Variants in NKAIN2 observed in about 807,000 individuals in gnomAD.
NKAIN2 encodes sodium/potassium-transporting ATPase subunit beta-1-interacting protein 2.
In NKAIN2, 14 loss-of-function variants were observed where a neutral mutation model predicts 32.6. The observed-to-expected ratio is 0.43, with a 90% CI of 0.28 to 0.67. NKAIN2 has a LOEUF of 0.67. NKAIN2 is among the 30% of genes least tolerant of loss of function. The pLI is 0.17. For missense variants in NKAIN2, 198 were observed against 258.3 expected (o/e 0.77, Z 1.60); for synonymous variants, 80 against 87.2 (o/e 0.92, Z 0.46).
rs143645265 is a variant in NKAIN2, at chr6:124,598,604, C to G, written c.274-59582C>G. Among the ~76,000 whole-genome samples the G allele has an allele frequency of 7.3e-3, 1,116 of 151,896 alleles. 21 individuals are homozygous for G. Among genetic ancestry groups the G allele is most frequent in the African/African-American group, 0.025 (1,042 of 41,414 alleles). On this transcript the variant is annotated intron_variant, in intron 3 of 6. Coordinates refer to ENST00000368417, the MANE Select transcript of NKAIN2 (RefSeq NM_001040214.3). Reference sequence around the variant, plus strand: ...ACTTCAGTAAGCTTGGAAGTACACCCCTTTCATGGGGAAAGCCACCGAGGA... The same window carrying G: ...ACTTCAGTAAGCTTGGAAGTACACCGCTTTCATGGGGAAAGCCACCGAGGA...
chr6:124,600,902 A>G (rs1225467753), intron 3 of NKAIN2, among the ~76,000 whole-genome samples: 2 of 152,076 alleles, frequency 1.3e-5, no homozygotes, highest in South Asian at 2.1e-4. Flanking sequence ...GAATTGATCA[A>G]GAAGACTTAT....
intron 1 of NKAIN2, among the ~76,000 whole-genome samples, chr6:124,274,279 A>G (rs1289528734): frequency 2.0e-5 from 3 of 152,162 alleles, no homozygotes; most frequent in African/African-American, 7.2e-5. Context: ...GTAGTAATAG[A>G]GTAATAGTAA....
chr6:124,463,995 T>C (rs564607236), intron 3 of NKAIN2, among the ~76,000 whole-genome samples: 6 of 152,104 alleles, frequency 3.9e-5, no homozygotes, highest in Non-Finnish European at 8.8e-5. Flanking sequence ...TGTTTTGTTA[T>C]GCTTTGTGAC....
intron 3 of NKAIN2, among the ~76,000 whole-genome samples, chr6:124,409,777 C>T (rs1359223488): frequency 6.6e-6 from 1 of 152,150 alleles, no homozygotes. Context: ...GGTACCAGCT[C>T]CTCATTGTAC....
chr6:124,518,005 A>C (rs1348624955), intron 3 of NKAIN2, among the ~76,000 whole-genome samples: 2 of 152,130 alleles, frequency 1.3e-5, no homozygotes. Context: ...AAATATACTC[A>C]AAATTTATCA....
chr6:124,338,002 T>C (rs1271136867), intron 2 of NKAIN2, among the ~76,000 whole-genome samples: 1 of 152,186 alleles, frequency 6.6e-6, no homozygotes, highest in Admixed American at 6.5e-5. Flanking sequence ...TATGAATTTT[T>C]TCATGAAGCA....
At chr6:124,091,632 C>G (rs901939572) in intron 1 of NKAIN2, among the ~76,000 whole-genome samples, 1 of 151,928 alleles carries the variant, frequency 6.6e-6, no homozygotes, top group African/African-American at 2.4e-5. Flanking sequence ...TACCTTCTCT[C>G]TTACTGAGGA....
chr6:124,126,347 T>G (rs1366445110), intron 1 of NKAIN2, among the ~76,000 whole-genome samples: 1 of 152,184 alleles, frequency 6.6e-6, no homozygotes, highest in Non-Finnish European at 1.5e-5. Context: ...CAGTAGACAT[T>G]TTTTTCTTGA....
At chr6:124,299,808 A>G (rs975535611) in intron 2 of NKAIN2, among the ~76,000 whole-genome samples, 1 of 152,236 alleles carries the variant, frequency 6.6e-6, no homozygotes, top group African/African-American at 2.4e-5. Context: ...AAATGTATGG[A>G]AATGTTCAAT....
intron 1 of NKAIN2, among the ~76,000 whole-genome samples, chr6:123,970,260 C>T (rs190850718): frequency 6.6e-6 from 1 of 152,178 alleles, no homozygotes; most frequent in Admixed American, 6.5e-5. Context: ...AGTTTCACTC[C>T]TGTCACAAAA....
rs75757030 is a variant in NKAIN2 at position 124,502,260 on chromosome 6, T to C, written c.273+146913T>C. Reference sequence around the variant, plus strand: ...GAGTTTTTCTTTCAGACTTGGGTTATCTTGGTTACACTGAAAATTAAACAT... The same window carrying C: ...GAGTTTTTCTTTCAGACTTGGGTTACCTTGGTTACACTGAAAATTAAACAT... On this transcript the variant is annotated intron_variant, in intron 3 of 6. Coordinates refer to ENST00000368417, the MANE Select transcript of NKAIN2 (RefSeq NM_001040214.3). Among the ~76,000 whole-genome samples, 711 of 152,304 alleles carry C rather than the reference T, an allele frequency of 4.7e-3. 2 individuals carry two copies. The highest frequency in any genetic ancestry group is 9.2e-3 in the Admixed American group (140 of 15,296).
At chr6:123,917,304 G>A (rs1317695082) in intron 1 of NKAIN2, among the ~76,000 whole-genome samples, 1 of 151,718 alleles carries the variant, frequency 6.6e-6, no homozygotes, top group Non-Finnish European at 1.5e-5. Context: ...GTGTGCCTTA[G>A]GTCATGACTG....
In NKAIN2 at chr6:124,245,954, G is replaced by A. The variant is rs527977599; in HGVS notation, c.55-37051G>A. On this transcript the variant is annotated intron_variant, in intron 1 of 6. Transcript: ENST00000368417. ...TTAACTATTGATAAAATATATATAA[G>A]CTTCTTAACAGAGTACCTGGTATAT... 5.0e-4 allele frequency among the ~76,000 whole-genome samples: 76 copies of A among 152,162 alleles called. 2 individuals are homozygous for A. The highest frequency in any genetic ancestry group is 1.8e-3 in the African/African-American group (75 of 41,538).
chr6:124,040,672 T>G (rs1781829009), intron 1 of NKAIN2, among the ~76,000 whole-genome samples: 1 of 152,032 alleles, frequency 6.6e-6, no homozygotes, highest in Non-Finnish European at 1.5e-5. Flanking sequence ...ATAACTATGA[T>G]ATAGGTGTTT....
chr6:124,423,873 T>G (rs544991416), intron 3 of NKAIN2, among the ~76,000 whole-genome samples: 1 of 152,366 alleles, frequency 6.6e-6, no homozygotes, highest in Middle Eastern at 3.4e-3. Context: ...CCTTTAAAAC[T>G]GTGACAAATA....
chr6:123,886,629 C>G (rs1773727987), intron 1 of NKAIN2, among the ~76,000 whole-genome samples: 1 of 152,034 alleles, frequency 6.6e-6, no homozygotes, highest in African/African-American at 2.4e-5. Flanking sequence ...CAATATATAA[C>G]TGCTTTTCTA....
At chr6:124,494,182 T>C (rs546485985) in intron 3 of NKAIN2, among the ~76,000 whole-genome samples, 33 of 152,228 alleles carry the variant, frequency 2.2e-4, no homozygotes, top group African/African-American at 7.7e-4. Context: ...CCTACAAGGC[T>C]AATCTTCTTG....
intron 4 of NKAIN2, among the ~76,000 whole-genome samples, chr6:124,673,777 A>G (rs566509461): frequency 2.8e-4 from 42 of 151,798 alleles, no homozygotes; most frequent in Admixed American, 7.9e-4. Context: ...TATATTTTAG[A>G]TATTAACCTA....
intron 4 of NKAIN2, among the ~76,000 whole-genome samples, chr6:124,663,477 A>T (rs917535836): frequency 1.3e-5 from 2 of 152,214 alleles, no homozygotes; most frequent in Admixed American, 6.5e-5. Flanking sequence ...AAACTAAATT[A>T]GCCAGATCTG....
Sources: gnomAD v4.1 joint callset for allele counts (sites outside exome capture counted in the v4.1 genomes callset) on GRCh38, gnomAD v4.1.1 for gene constraint, MANE v1.5 for transcripts, NCBI Gene and HGNC (gene_info 2026-07-23, HGNC 2026-07-21) for gene names.